COMMD10: variants seen among roughly 807,000 people sequenced by gnomAD.
COMMD10 encodes the protein COMM domain containing 10.
A neutral mutation model predicts 28.9 loss-of-function variants in COMMD10; 33 were observed. The ratio of observed to expected loss-of-function variants is 1.14; its 90% confidence interval spans 0.87 to 1.53. The LOEUF (loss-of-function observed/expected upper bound fraction) is 1.53. COMMD10 is among the 40% of genes most tolerant of loss of function. The pLI is 0.00. For missense variants in COMMD10, 310 were observed against 233.4 expected, an observed-to-expected ratio of 1.33 and a Z score of -2.14; for synonymous variants, 110 against 81.7, an observed-to-expected ratio of 1.35 and a Z score of -1.87.
intron 5 of COMMD10, among the ~76,000 whole-genome samples, chr5:116,263,651 T>G (rs1456938534): frequency 6.6e-6 from 1 of 151,696 alleles, no homozygotes; most frequent in Non-Finnish European, 1.5e-5. Flanking sequence ...CAATCGTTTT[T>G]CTTAACTTGA....
intron 5 of COMMD10, among the ~76,000 whole-genome samples, chr5:116,245,577 T>C (rs1042497278): frequency 6.6e-6 from 1 of 152,098 alleles, no homozygotes; most frequent in Non-Finnish European, 1.5e-5. Flanking sequence ...TGGACATTGA[T>C]ACAAAAGTCC....
chr5:116,243,159 T>C lies in COMMD10; in HGVS notation c.511-48358T>C, dbSNP rs113396435. On this transcript the variant is annotated intron_variant, in intron 5 of 6. Coordinates refer to ENST00000274458, the MANE Select transcript of COMMD10 (RefSeq NM_016144.4). ...TCAAAATTAAATGCTGACTGCACTA[T>C]GAATATAGAAAAGTACAGTTGTAAA... Among the ~76,000 whole-genome samples, 318 of 152,306 alleles carry C rather than the reference T, an allele frequency of 2.1e-3. 3 individuals are homozygous for C. Among genetic ancestry groups the C allele is most frequent in the African/African-American group, 7.2e-3 (300 of 41,574 alleles).
intron 5 of COMMD10, among the ~76,000 whole-genome samples, chr5:116,167,730 C>G (rs545516837): frequency 1.3e-5 from 2 of 152,198 alleles, no homozygotes; most frequent in South Asian, 2.1e-4. Flanking sequence ...TCCAACCTAG[C>G]TAAATTCCAT....
At chr5:116,197,489 C>T (rs541553339) in intron 5 of COMMD10, among the ~76,000 whole-genome samples, 3 of 152,052 alleles carry the variant, frequency 2.0e-5, no homozygotes, top group African/African-American at 2.4e-5. Context: ...TCAAGTGATT[C>T]ACCCACCTCA....
intron 5 of COMMD10, among the ~76,000 whole-genome samples, chr5:116,264,676 G>A (rs1289861737): frequency 2.0e-5 from 3 of 151,860 alleles, no homozygotes; most frequent in African/African-American, 2.4e-5. Context: ...GCCCCATATT[G>A]CTAATTTCTC....
chr5:116,179,912 C>T (rs1172015483), intron 5 of COMMD10, among the ~76,000 whole-genome samples: 1 of 151,810 alleles, frequency 6.6e-6, no homozygotes, highest in African/African-American at 2.4e-5. Context: ...TGGCAGTTTT[C>T]TATAGAAAAT....
intron 5 of COMMD10, among the ~76,000 whole-genome samples, chr5:116,240,095 A>G (rs576042769): frequency 1.3e-5 from 2 of 152,296 alleles, no homozygotes; most frequent in South Asian, 4.1e-4. Flanking sequence ...ATAGTAGATC[A>G]CTATGTGAGG....
chr5:116,098,799 A>T (rs577127275), intron 4 of COMMD10, among the ~76,000 whole-genome samples: 2 of 152,320 alleles, frequency 1.3e-5, no homozygotes, highest in East Asian at 3.9e-4. Context: ...ATTCCATTTT[A>T]AAAACTTCTT....
At chr5:116,267,422 C>T (rs923122873) in intron 5 of COMMD10, among the ~76,000 whole-genome samples, 18 of 151,862 alleles carry the variant, frequency 1.2e-4, no homozygotes, top group African/African-American at 4.4e-4. Context: ...AGGAGAACTA[C>T]AAACCACTGC....
intron 5 of COMMD10, among the ~76,000 whole-genome samples, chr5:116,281,386 A>G (rs1480711498): frequency 6.6e-6 from 1 of 151,268 alleles, no homozygotes; most frequent in Non-Finnish European, 1.5e-5. Context: ...TTACAAATTA[A>G]AAATAAAAAG....
chr5:116,262,886 CT>C lies in COMMD10; in HGVS notation c.511-28626del, dbSNP rs572849914. On this transcript the variant is annotated intron_variant, in intron 5 of 6. Coordinates refer to ENST00000274458, the MANE Select transcript of COMMD10 (RefSeq NM_016144.4). Reference sequence around the variant, plus strand: ...TAAGTATTATCAGGCACTATTGTTCCTTTTTAAAAAACAGTATAAAATTTGA... The same window carrying C: ...TAAGTATTATCAGGCACTATTGTTCCTTTTAAAAAACAGTATAAAATTTGA... Among the ~76,000 whole-genome samples, 82 of 151,736 alleles carry C rather than the reference CT, an allele frequency of 5.4e-4. 2 individuals carry two copies. The highest frequency in any genetic ancestry group is 1.9e-3 in the African/African-American group (80 of 41,208).
chr5:116,221,799 G>A (rs1177269175), intron 5 of COMMD10, among the ~76,000 whole-genome samples: 1 of 152,140 alleles, frequency 6.6e-6, no homozygotes, highest in Non-Finnish European at 1.5e-5. Flanking sequence ...AGGAAGCCAA[G>A]AGCAAAGTAA....
intron 4 of COMMD10, among the ~76,000 whole-genome samples, chr5:116,104,527 A>G (rs1485806693): frequency 2.0e-5 from 3 of 152,158 alleles, no homozygotes; most frequent in Non-Finnish European, 4.4e-5. Flanking sequence ...GTTGCTCATC[A>G]TCTTAAGGAG....
chr5:116,131,220 T>C (rs1215502527), intron 4 of COMMD10, among the ~76,000 whole-genome samples: 1 of 151,976 alleles, frequency 6.6e-6, no homozygotes, highest in Non-Finnish European at 1.5e-5. Flanking sequence ...GAATAGAATA[T>C]GTAACTTGCT....
chr5:116,236,223 G>T (rs932215589), intron 5 of COMMD10, among the ~76,000 whole-genome samples: 5 of 152,076 alleles, frequency 3.3e-5, no homozygotes, highest in African/African-American at 7.2e-5. Flanking sequence ...AAATGATTCG[G>T]CTGGACCCAG....
chr5:116,192,883 C>T (rs192215421), intron 5 of COMMD10, among the ~76,000 whole-genome samples: 89 of 152,138 alleles, frequency 5.8e-4, no homozygotes, highest in African/African-American at 1.8e-3. Context: ...AAAGTTAAGA[C>T]GAAAGAATCT....
At chr5:116,131,756 G>C (rs539167625) in intron 4 of COMMD10, among the ~76,000 whole-genome samples, 7 of 151,954 alleles carry the variant, frequency 4.6e-5, no homozygotes, top group Non-Finnish European at 8.8e-5. Context: ...TGATCTAAAT[G>C]TTAATAGAGA....
intron 1 of COMMD10, 115 bp downstream of exon 1, chr5:116,085,208 G>A (rs73780832): frequency 0.055 from 36,130 of 658,342 alleles, 2,352 homozygotes; most frequent in African/African-American, 0.22. Flanking sequence ...CCGGTTGAGT[G>A]GGGTGGGGTG....
At chr5:116,120,192 G>A (rs1267054379) in intron 4 of COMMD10, among the ~76,000 whole-genome samples, 1 of 152,076 alleles carries the variant, frequency 6.6e-6, no homozygotes, top group Non-Finnish European at 1.5e-5. Context: ...ATGAAGTAGC[G>A]TTTTTTGCAG....
Sources: allele counts gnomAD v4.1 joint callset (sites outside exome capture counted in the v4.1 genomes callset), GRCh38; gene constraint gnomAD v4.1.1; transcripts MANE v1.5; gene names NCBI Gene and HGNC (gene_info 2026-07-23, HGNC 2026-07-21).